TAOK1: variants seen among roughly 807,000 people sequenced by gnomAD.
TAOK1 encodes the protein serine/threonine-protein kinase TAO1.
TAOK1 carries 21 observed loss-of-function variants against 138.3 expected under a neutral mutation model. That is an observed-to-expected ratio of 0.15 (90% CI 0.11 to 0.22). TAOK1 has a LOEUF of 0.22. Among genes scored for constraint, TAOK1 ranks in the 10% least tolerant of loss-of-function variants. The pLI, the probability that TAOK1 is intolerant of heterozygous loss-of-function variation, is 1.00. For missense variants in TAOK1, 651 were observed against 1,227.7 expected, an observed-to-expected ratio of 0.53 and a Z score of 7.02; for synonymous variants, 361 against 398.4, an observed-to-expected ratio of 0.91 and a Z score of 1.12.
intron 3 of TAOK1, among the ~76,000 whole-genome samples, chr17:29,469,075 G>A (rs2030749969): frequency 6.6e-6 from 1 of 151,816 alleles, no homozygotes; most frequent in South Asian, 2.1e-4. Flanking sequence ...ATGAAATGTA[G>A]TCTGCTTTTA....
chr17:29,500,292 G>A (rs1454923326), intron 12 of TAOK1, among the ~76,000 whole-genome samples: 1 of 152,034 alleles, frequency 6.6e-6, no homozygotes, highest in Non-Finnish European at 1.5e-5. Flanking sequence ...CTCAGCCTGG[G>A]TGATAGAGTG....
chr17:29,513,989 A>T (rs1329342475), intron 15 of TAOK1: 1 of 152,052 alleles, frequency 6.6e-6, no homozygotes, highest in Non-Finnish European at 1.5e-5. Context: ...TTAGCCAAGC[A>T]TGGTGGCACA....
At position 29,526,819 on chromosome 17, in the gene TAOK1, T is replaced by TAAAAAAAAAA. The variant is rs71138830; in HGVS notation, c.2149-3569_2149-3560dup. On this transcript the variant is annotated intron_variant, in intron 17 of 19. Coordinates refer to ENST00000261716, the MANE Select transcript of TAOK1 (RefSeq NM_020791.4). ...GGCAGCATAGGGAGATCTCATCTCT[T>TAAAAAAAAAA]AAAAAAAAAAAAAAAAAAAAAAAAA... Among the ~76,000 whole-genome samples, 7 of 50,948 alleles carry TAAAAAAAAAA rather than the reference T, an allele frequency of 1.4e-4. 2 individuals are homozygous for TAAAAAAAAAA. Among genetic ancestry groups the TAAAAAAAAAA allele is most frequent in the Admixed American group, 2.9e-4 (1 of 3,496 alleles). The allele number at this position is 50,948 out of a possible 152,430, so 33.4% of individuals were successfully genotyped here.
intron 17 of TAOK1, among the ~76,000 whole-genome samples, chr17:29,529,552 T>C (rs2032068401): frequency 6.6e-6 from 1 of 152,020 alleles, no homozygotes; most frequent in Non-Finnish European, 1.5e-5. Context: ...GGTAACACAG[T>C]GAAACCTTGT....
chr17:29,491,946 C>T, intron 10 of TAOK1, 81 bp downstream of exon 10: 1 of 1,034,674 alleles, frequency 9.7e-7, no homozygotes, highest in South Asian at 1.4e-5. Flanking sequence ...GTGGCAGTGG[C>T]ACAATCACGT....
intron 3 of TAOK1, among the ~76,000 whole-genome samples, chr17:29,467,810 T>C (rs2030708768): frequency 6.6e-6 from 1 of 151,480 alleles, no homozygotes; most frequent in African/African-American, 2.4e-5. Flanking sequence ...TATTTTTATT[T>C]ATTTATTTAT....
chr17:29,397,664 G>C (rs1904672954), intron 1 of TAOK1, among the ~76,000 whole-genome samples: 1 of 35,638 alleles, frequency 2.8e-5, no homozygotes, highest in African/African-American at 1.1e-4. Flanking sequence ...ATTCATGTAT[G>C]ATACATGTAT....
At chr17:29,413,271 A>G (rs1253797519) in intron 1 of TAOK1, among the ~76,000 whole-genome samples, 1 of 152,162 alleles carries the variant, frequency 6.6e-6, no homozygotes, top group Non-Finnish European at 1.5e-5. Context: ...CTAAACTTAA[A>G]AGAATTGAGG....
chr17:29,518,731 T>C (rs1183060313), intron 16 of TAOK1, among the ~76,000 whole-genome samples: 5 of 90,662 alleles, frequency 5.5e-5, no homozygotes, highest in South Asian at 2.9e-4. Context: ...AAAATGTTGA[T>C]TTTTATTTTT....
At chr17:29,472,573 CTTT>C (rs34588170) in intron 3 of TAOK1, among the ~76,000 whole-genome samples, 9 of 111,734 alleles carry the variant, frequency 8.1e-5, no homozygotes, top group Non-Finnish European at 8.9e-5. Flanking sequence ...TTCTTTCTTT[CTTT>C]TTTTTTTTTT....
intron 16 of TAOK1, among the ~76,000 whole-genome samples, chr17:29,519,255 G>C (rs1056072602): frequency 6.6e-6 from 1 of 152,084 alleles, no homozygotes; most frequent in African/African-American, 2.4e-5. Context: ...TCATGGCTGT[G>C]ATCCTAGCAC....
intron 1 of TAOK1, among the ~76,000 whole-genome samples, chr17:29,427,369 T>C (rs563074721): frequency 3.5e-4 from 52 of 146,748 alleles, no homozygotes; most frequent in African/African-American, 1.3e-3. Flanking sequence ...CTAAGGCGGG[T>C]GGATCACTTG....
At chr17:29,498,174 T>C in intron 11 of TAOK1, 144 bp from the exon 12 acceptor site, 2 of 743,842 alleles carry the variant, frequency 2.7e-6, no homozygotes, top group Non-Finnish European at 4.3e-6. Context: ...CTTCCTGGTC[T>C]TGGAAAATAA....
intron 1 of TAOK1, among the ~76,000 whole-genome samples, chr17:29,419,575 A>G (rs551595596): frequency 7.4e-4 from 109 of 147,312 alleles, no homozygotes; most frequent in African/African-American, 2.6e-3. Flanking sequence ...TCACTGCTGC[A>G]TTCATCTCCC....
intron 10 of TAOK1, among the ~76,000 whole-genome samples, chr17:29,494,774 C>T (rs1047527899): frequency 2.7e-5 from 4 of 147,290 alleles, no homozygotes; most frequent in South Asian, 2.1e-4. Context: ...TGCAGTGAGC[C>T]GCAATCGCGC....
chr17:29,496,579 CT>C (rs748595265), intron 11 of TAOK1, among the ~76,000 whole-genome samples: 13,369 of 87,594 alleles, frequency 0.15, 763 homozygotes, highest in Middle Eastern at 0.2. Flanking sequence ...CCATCTACAC[CT>C]TTTTTTTTTT....
chr17:29,452,481 T>A (rs561958007), intron 2 of TAOK1, among the ~76,000 whole-genome samples: 1 of 152,328 alleles, frequency 6.6e-6, no homozygotes, highest in African/African-American at 2.4e-5. Context: ...CTGTTTCTTT[T>A]ATATGCATTT....
chr17:29,523,149 T>C (rs1479340383), intron 17 of TAOK1, among the ~76,000 whole-genome samples: 1 of 152,018 alleles, frequency 6.6e-6, no homozygotes, highest in African/African-American at 2.4e-5. Flanking sequence ...AAGCTTACCA[T>C]TTGGCTTCTC....
chr17:29,481,627 G>A (rs184807047), intron 7 of TAOK1, among the ~76,000 whole-genome samples: 279 of 152,108 alleles, frequency 1.8e-3, no homozygotes, highest in Non-Finnish European at 3.2e-3. Context: ...TTTCTTTTGG[G>A]GTGGCTGTTA....
Sources: gnomAD v4.1 joint callset for allele counts (sites outside exome capture counted in the v4.1 genomes callset) on GRCh38, gnomAD v4.1.1 for gene constraint, MANE v1.5 for transcripts, NCBI Gene and HGNC (gene_info 2026-07-23, HGNC 2026-07-21) for gene names.